CDH18: variants seen among roughly 807,000 people sequenced by gnomAD.
CDH18 encodes cadherin 18, also known as cadherin-18.
CDH18 carries 31 observed loss-of-function variants against 67.9 expected under a neutral mutation model. The ratio of observed to expected loss-of-function variants is 0.46; its 90% CI spans 0.34 to 0.62. The LOEUF (loss-of-function observed/expected upper bound fraction) is 0.62. Among genes scored for constraint, CDH18 ranks in the 20% least tolerant of loss-of-function variants. CDH18 has a pLI of 0.01. For synonymous variants in CDH18, 362 were observed against 347.2 expected (o/e 1.04, Z -0.48); for missense variants, 890 against 975.5 (o/e 0.91, Z 1.17).
intron 1 of CDH18, among the ~76,000 whole-genome samples, chr5:20,564,567 A>G (rs1271334115): frequency 6.6e-6 from 1 of 152,144 alleles, no homozygotes; most frequent in Non-Finnish European, 1.5e-5. Context: ...TTTTAAATAC[A>G]ACTCAAATAT....
At chr5:19,526,737 A>C (rs1747804606) in intron 9 of CDH18, among the ~76,000 whole-genome samples, 1 of 152,054 alleles carries the variant, frequency 6.6e-6, no homozygotes, top group Non-Finnish European at 1.5e-5. Flanking sequence ...TAATCTGATT[A>C]TTCATATTCG....
chr5:20,250,303 TA>T (rs1743738993), intron 2 of CDH18, among the ~76,000 whole-genome samples: 1 of 151,926 alleles, frequency 6.6e-6, no homozygotes, highest in Non-Finnish European at 1.5e-5. Flanking sequence ...TTTATTTATT[TA>T]TTTTTTTCAG....
At chr5:19,745,951 A>G (rs986037483) in intron 4 of CDH18, among the ~76,000 whole-genome samples, 2 of 151,986 alleles carry the variant, frequency 1.3e-5, no homozygotes, top group East Asian at 1.9e-4. Flanking sequence ...ATATATTTCA[A>G]ATTCACAGAC....
intron 2 of CDH18, among the ~76,000 whole-genome samples, chr5:19,961,491 A>G (rs2136129): frequency 0.42 from 64,433 of 152,010 alleles, 16,056 homozygotes; most frequent in Middle Eastern, 0.64. Flanking sequence ...ATAACTGTAT[A>G]TATGTTATTG....
intron 1 of CDH18, among the ~76,000 whole-genome samples, chr5:20,529,336 G>A (rs1202735821): frequency 6.6e-6 from 1 of 151,504 alleles, no homozygotes; most frequent in East Asian, 1.9e-4. Flanking sequence ...AGAGGAGCTG[G>A]CACCATTTCT....
intron 2 of CDH18, among the ~76,000 whole-genome samples, chr5:20,174,136 T>C (rs1267191200): frequency 2.0e-5 from 3 of 152,226 alleles, no homozygotes; most frequent in Non-Finnish European, 4.4e-5. Context: ...AACTCCTATC[T>C]GTTCTTTTTA....
At chr5:20,022,735 T>A (rs1226992275) in intron 2 of CDH18, among the ~76,000 whole-genome samples, 1 of 152,168 alleles carries the variant, frequency 6.6e-6, no homozygotes, top group Non-Finnish European at 1.5e-5. Context: ...CATAGGTAAT[T>A]TAACTTTTAC....
chr5:20,027,475 T>C (rs915082218), intron 2 of CDH18, among the ~76,000 whole-genome samples: 1 of 152,222 alleles, frequency 6.6e-6, no homozygotes, highest in Admixed American at 6.5e-5. Context: ...ATTCAGCTTT[T>C]ACTGAGAACC....
chr5:20,547,508 T>C (rs1444454733), intron 1 of CDH18, among the ~76,000 whole-genome samples: 1 of 150,190 alleles, frequency 6.7e-6, no homozygotes, highest in Non-Finnish European at 1.5e-5. Flanking sequence ...TTGCAATGAG[T>C]CGAGATCGCA....
intron 5 of CDH18, among the ~76,000 whole-genome samples, chr5:19,659,743 A>T (rs992847618): frequency 6.6e-6 from 1 of 152,028 alleles, no homozygotes; most frequent in East Asian, 1.9e-4. Flanking sequence ...ATGCAGTAAC[A>T]AGGCCCCATC....
At chr5:20,029,386 T>G (rs1040633784) in intron 2 of CDH18, among the ~76,000 whole-genome samples, 22 of 152,156 alleles carry the variant, frequency 1.4e-4, no homozygotes, top group African/African-American at 4.8e-4. Flanking sequence ...CTATACATTT[T>G]TACAATTCTA....
At chr5:19,618,222 T>C (rs1339500695) in intron 5 of CDH18, among the ~76,000 whole-genome samples, 1 of 152,020 alleles carries the variant, frequency 6.6e-6, no homozygotes, top group African/African-American at 2.4e-5. Context: ...TTTTTTTTTT[T>C]TGAGACAGAG....
At chr5:19,664,920 G>A (rs1001332265) in intron 5 of CDH18, among the ~76,000 whole-genome samples, 3 of 151,956 alleles carry the variant, frequency 2.0e-5, no homozygotes, top group East Asian at 1.9e-4. Context: ...AAGGACTGAC[G>A]TAGAGTTGCG....
At chr5:19,864,441 A>G (rs1785248926) in intron 2 of CDH18, among the ~76,000 whole-genome samples, 1 of 151,510 alleles carries the variant, frequency 6.6e-6, no homozygotes, top group Non-Finnish European at 1.5e-5. Context: ...TGAGGAGTTA[A>G]TGGGTGCAGC....
At chr5:20,358,381 A>G (rs59032817) in intron 1 of CDH18, among the ~76,000 whole-genome samples, 20,966 of 152,232 alleles carry the variant, frequency 0.14, 2,512 homozygotes, top group African/African-American at 0.31. Context: ...GTAGTTTGAC[A>G]TAAGAATATA....
intron 3 of CDH18, among the ~76,000 whole-genome samples, chr5:19,769,774 A>G (rs1773523276): frequency 6.6e-6 from 1 of 152,094 alleles, no homozygotes; most frequent in African/African-American, 2.4e-5. Flanking sequence ...GTTGTGCTTC[A>G]AAATGTGCTA....
At chr5:20,405,041 C>T (rs1030802514) in intron 1 of CDH18, among the ~76,000 whole-genome samples, 2 of 152,062 alleles carry the variant, frequency 1.3e-5, no homozygotes, top group African/African-American at 2.4e-5. Context: ...AGTTCATCCC[C>T]ATCAAGCTAC....
chr5:20,280,597 T>C lies in CDH18; in HGVS notation c.-579-25092A>G, dbSNP rs1241388011. ...GTATATGTGCCACATTTTCTTAATCTAGTCTATCACTGTTGGACATTTGGG... is the reference window on the plus strand; with the variant it reads ...GTATATGTGCCACATTTTCTTAATCCAGTCTATCACTGTTGGACATTTGGG... On this transcript the variant is annotated intron_variant, in intron 1 of 14. Transcript: ENST00000507958. 5.9e-5 allele frequency among the ~76,000 whole-genome samples: 9 copies of C among 152,158 alleles called. No homozygotes were observed. In the South Asian group the frequency reaches 8.3e-4, roughly 14 times the overall value.
chr5:20,037,541 G>A (rs944616902), intron 2 of CDH18, among the ~76,000 whole-genome samples: 1 of 152,024 alleles, frequency 6.6e-6, no homozygotes, highest in Non-Finnish European at 1.5e-5. Context: ...TTAGAATTCA[G>A]GATTAAGAAA....
Sources: allele counts gnomAD v4.1 joint callset (sites outside exome capture counted in the v4.1 genomes callset), GRCh38; gene constraint gnomAD v4.1.1; transcripts MANE v1.5; gene names NCBI Gene and HGNC (gene_info 2026-07-23, HGNC 2026-07-21).